RGS9: variants seen among roughly 807,000 people sequenced by gnomAD.
RGS9 encodes the protein regulator of G protein signaling 9, also known as regulator of G-protein signalling 9.
In RGS9, 78 loss-of-function variants were observed where a neutral mutation model predicts 102.0. The observed-to-expected ratio is 0.76, with a 90% CI of 0.64 to 0.92. The LOEUF (loss-of-function observed/expected upper bound fraction) is 0.92. Ranked by LOEUF, RGS9 falls within the 40% of genes least tolerant of loss-of-function variation. RGS9 has a pLI of 0.00. For synonymous variants in RGS9, 353 were observed against 318.6 expected (o/e 1.11, Z -1.15); for missense variants, 833 against 866.1 (o/e 0.96, Z 0.48).
chr17:65,153,988 C>T (rs553777825), intron 2 of RGS9, among the ~76,000 whole-genome samples: 2 of 152,224 alleles, frequency 1.3e-5, no homozygotes, highest in African/African-American at 4.8e-5. Context: ...TATGGCTGCT[C>T]TTACACTACA....
At chr17:65,139,922 G>A (rs1322284518) in intron 1 of RGS9, among the ~76,000 whole-genome samples, 1 of 152,186 alleles carries the variant, frequency 6.6e-6, no homozygotes, top group Admixed American at 6.5e-5. Flanking sequence ...TACATTCGAT[G>A]TTCAGCTTTC....
intron 9 of RGS9, 79 bp downstream of exon 9, chr17:65,177,882 T>C: frequency 9.1e-7 from 1 of 1,094,770 alleles, no homozygotes; most frequent in Admixed American, 1.7e-5. Context: ...TCTATTCGTG[T>C]CTGTTAGGGC....
intron 1 of RGS9, among the ~76,000 whole-genome samples, chr17:65,145,505 C>T (rs1233088213): frequency 6.6e-6 from 1 of 151,804 alleles, no homozygotes; most frequent in African/African-American, 2.4e-5. Flanking sequence ...TCTCCTGCCT[C>T]AGCTCCTGAG....
rs377377842 is a variant in RGS9 at position 65,160,332 on chromosome 17, G to T, written c.305G>T (p.Arg102Ile). ...LILKPDGSLY[R>I]FQTPYFWPTQ... ...CTCAAGCCTGATGGCAGCCTCTACA[G>T]ATTTCAGGTGAGTCTTGGCCTTGAC... is the stretch of plus-strand genomic sequence containing the variant. The change falls in exon 4 of 19, where the codon AGA (arginine) becomes ATA (isoleucine). Residue 102 changes from arginine to isoleucine, a missense_variant. This residue lies in a region of RGS9 where 328 missense variants were observed against 340.6 expected (regional missense o/e 0.96). Transcript: ENST00000262406. 1.2e-6 allele frequency: 2 copies of T among 1,612,958 alleles called. No individual in the cohort carries two copies. The highest frequency in any genetic ancestry group is 1.3e-5 in the African/African-American group (1 of 74,916).
At chr17:65,212,334 T>A (rs1326874115) in intron 17 of RGS9, among the ~76,000 whole-genome samples, 3 of 152,180 alleles carry the variant, frequency 2.0e-5, no homozygotes, top group Non-Finnish European at 2.9e-5. Flanking sequence ...ACAACACAAA[T>A]GCCTGCCCAA....
chr17:65,160,774 G>A, intron 5 of RGS9, 77 bp from the exon 6 acceptor site: 1 of 1,507,228 alleles, frequency 6.6e-7, no homozygotes, highest in Non-Finnish European at 9.2e-7. Flanking sequence ...TCTGAGCACA[G>A]CAGCCTCAGG....
intron 14 of RGS9, 100 bp from the exon 15 acceptor site, chr17:65,204,063 G>A: frequency 7.0e-7 from 1 of 1,436,178 alleles, no homozygotes; most frequent in South Asian, 1.2e-5. Context: ...CTCACCCTCG[G>A]TAACCGATTC....
chr17:65,141,549 C>T (rs932861087), intron 1 of RGS9, among the ~76,000 whole-genome samples: 3 of 152,232 alleles, frequency 2.0e-5, no homozygotes, highest in African/African-American at 7.2e-5. Flanking sequence ...TCAATACAGA[C>T]ATATAATTGG....
intron 9 of RGS9, among the ~76,000 whole-genome samples, chr17:65,180,445 T>C (rs1271769679): frequency 6.6e-6 from 1 of 151,936 alleles, no homozygotes; most frequent in Non-Finnish European, 1.5e-5. Flanking sequence ...GCCTTCCGGG[T>C]TGAAGTAACT....
chr17:65,146,820 G>A (rs556422408), intron 1 of RGS9, among the ~76,000 whole-genome samples: 1 of 152,278 alleles, frequency 6.6e-6, no homozygotes, highest in South Asian at 2.1e-4. Context: ...AGCCCAGGAG[G>A]TGGAGGTTAC....
At chr17:65,159,275 A>G (rs574380943) in intron 3 of RGS9, among the ~76,000 whole-genome samples, 1 of 151,972 alleles carries the variant, frequency 6.6e-6, no homozygotes, top group South Asian at 2.1e-4. Flanking sequence ...GCCCGCCTGC[A>G]CCCAGGTGAA....
intron 7 of RGS9, among the ~76,000 whole-genome samples, chr17:65,164,474 TC>T (rs779439903): frequency 5.9e-5 from 9 of 151,850 alleles, no homozygotes; most frequent in South Asian, 2.1e-4. Context: ...AAACCGATGA[TC>T]CCCCCAGTCC....
At chr17:65,145,877 A>G (rs979927181) in intron 1 of RGS9, among the ~76,000 whole-genome samples, 1 of 121,670 alleles carries the variant, frequency 8.2e-6, no homozygotes, top group African/African-American at 5.7e-5. Context: ...AGGTCTGAGG[A>G]AAAAGGATCG....
At chr17:65,195,255 G>A (rs887819668) in intron 12 of RGS9, among the ~76,000 whole-genome samples, 2 of 152,184 alleles carry the variant, frequency 1.3e-5, no homozygotes, top group African/African-American at 4.8e-5. Flanking sequence ...GAGGAGAGAT[G>A]GATGGCCGCT....
intron 1 of RGS9, among the ~76,000 whole-genome samples, chr17:65,142,500 T>TTTC (rs1910194250): frequency 6.6e-6 from 1 of 152,068 alleles, no homozygotes; most frequent in African/African-American, 2.4e-5. Flanking sequence ...CTACTTTGAG[T>TTTC]TTCTGATTTA....
chr17:65,156,497 G>C (rs1910772882), intron 2 of RGS9, among the ~76,000 whole-genome samples: 1 of 152,184 alleles, frequency 6.6e-6, no homozygotes, highest in African/African-American at 2.4e-5. Flanking sequence ...GAGAAGCCCT[G>C]GTCCTGCAAC....
chr17:65,214,053 C>A (rs1030470271), intron 17 of RGS9, among the ~76,000 whole-genome samples: 1 of 152,154 alleles, frequency 6.6e-6, no homozygotes, highest in Non-Finnish European at 1.5e-5. Context: ...CCTTGACCTC[C>A]CAGGCTCTAG....
chr17:65,150,190 TG>T (rs1417053338), intron 1 of RGS9, among the ~76,000 whole-genome samples: 1 of 152,176 alleles, frequency 6.6e-6, no homozygotes, highest in Non-Finnish European at 1.5e-5. Context: ...CTGGGCCAGG[TG>T]AAGGCAGGAA....
chr17:65,203,902 G>GC (rs1266256683), intron 14 of RGS9, among the ~76,000 whole-genome samples: 4 of 152,168 alleles, frequency 2.6e-5, no homozygotes, highest in Non-Finnish European at 5.9e-5. Flanking sequence ...CTGGGCCCCA[G>GC]CCCCTTCTTG....
Sources: allele counts gnomAD v4.1 joint callset (sites outside exome capture counted in the v4.1 genomes callset), GRCh38; gene constraint gnomAD v4.1.1; regional missense constraint gnomAD v4.1.1; transcripts MANE v1.5; gene names NCBI Gene and HGNC (gene_info 2026-07-23, HGNC 2026-07-21).